Variants in PLCH2 observed in about 807,000 individuals in gnomAD.
The protein encoded by PLCH2 is phospholipase C eta 2.
PLCH2 carries 98 observed loss-of-function variants against 134.7 expected under a neutral mutation model. The ratio of observed to expected loss-of-function variants is 0.73; its 90% CI spans 0.62 to 0.86. The LOEUF is 0.86. Ranked by LOEUF, PLCH2 falls within the 40% of genes least tolerant of loss-of-function variation. PLCH2 has a pLI of 0.00. For missense variants in PLCH2, 1,994 were observed against 1,986.6 expected (o/e 1.00, Z -0.07); for synonymous variants, 974 against 827.5 (o/e 1.18, Z -3.04).
chr1:2,471,805 G>A (rs1325618455), upstream of PLCH2, among the ~76,000 whole-genome samples: 1 of 152,148 alleles, frequency 6.6e-6, no homozygotes, highest in Non-Finnish European at 1.5e-5. Flanking sequence ...CCACCCAAGG[G>A]GGCAGAACAA....
intron 11 of PLCH2, among the ~76,000 whole-genome samples, chr1:2,494,142 C>T (rs1024900502): frequency 2.0e-5 from 3 of 152,144 alleles, no homozygotes; most frequent in East Asian, 3.9e-4. Context: ...CTGAGCACAG[C>T]TGGGCCATGT....
In PLCH2 at chr1:2,489,206, G is replaced by C; in HGVS notation, c.1236-1G>C. ...CTGCTCTTTCTGCCTTGGGGCCACA[G>C]GTACCCAGTGATCCTGTCCATCGAA... is the stretch of plus-strand genomic sequence containing the variant. On this transcript the variant is annotated splice_acceptor_variant, in intron 8 of 21. Coordinates refer to ENST00000378486, the MANE Select transcript of PLCH2 (RefSeq NM_014638.4). LOFTEE classifies it high-confidence loss of function. 6.2e-7 allele frequency: 1 copy of C among 1,613,458 alleles called. No homozygotes were observed. The highest frequency in any genetic ancestry group is 8.5e-7 in the Non-Finnish European group (1 of 1,179,636).
chr1:2,478,597 C>T lies in PLCH2; in HGVS notation c.246C>T (p.Pro82=), dbSNP rs1641775014. 2 of 1,611,424 alleles carry T rather than the reference C, an allele frequency of 1.2e-6. No individual in the cohort carries two copies. Among genetic ancestry groups the T allele is most frequent in the Non-Finnish European group, 1.7e-6 (2 of 1,179,354 alleles). The change falls in exon 2 of 22, where the codon CCC becomes CCT. Residue 82 remains proline (P), a synonymous_variant. Coordinates refer to ENST00000378486, the MANE Select transcript of PLCH2 (RefSeq NM_014638.4). ...DEHRSCIRWR[P]SRKNEKAKIS... is the part of the protein sequence containing the mutation. ...ACCGCTCCTGCATCCGCTGGAGGCC[C>T]TCACGCAAGAACGAGAAGGCCAAGA... is the stretch of plus-strand genomic sequence containing the variant.
intron 8 of PLCH2, among the ~76,000 whole-genome samples, chr1:2,487,958 C>T (rs556785158): frequency 3.9e-5 from 6 of 152,342 alleles, no homozygotes; most frequent in East Asian, 3.9e-4. Flanking sequence ...TGGCACCTCC[C>T]GGTGTCAGTG....
Position 2,498,218 on chromosome 1 carries a change from C to CGTATCATTA in PLCH2, c.2225-305_2225-304insGTATCATTA. ...GAGTGGGCCCTGGGGACACTGTCAC[C>CGTATCATTA]AGAGACCCCACCCCTCATACCCCCA... is the stretch of plus-strand genomic sequence containing the variant. On this transcript the variant is annotated intron_variant, in intron 16 of 21. Transcript: ENST00000378486. The surrounding 1 kb of genome is among the most constrained non-coding windows in gnomAD (Gnocchi z 5.4). 4.9e-6 allele frequency: 2 copies of CGTATCATTA among 407,834 alleles called. No individual in the cohort carries two copies. The highest frequency in any genetic ancestry group is 4.1e-5 in the Admixed American group (1 of 24,392). The allele number at this position is 407,834 out of a possible 1,614,324, so 25.3% of individuals were successfully genotyped here.
the PLCH2 span, among the ~76,000 whole-genome samples, chr1:2,419,981 C>G: frequency 8.5e-6 from 1 of 117,344 alleles, no homozygotes; most frequent in African/African-American, 3.1e-5. Context: ...CACCCCCAGG[C>G]AACCCCTTTG....
the PLCH2 span, among the ~76,000 whole-genome samples, chr1:2,416,218 C>T: frequency 2.6e-5 from 4 of 152,180 alleles, no homozygotes; most frequent in Admixed American, 6.5e-5. Flanking sequence ...AGGAGCTGGA[C>T]GCAGCAGGTC....
rs1178419057 is a variant in PLCH2, at chr1:2,478,480, G to A, written c.129G>A (p.Glu43=). The change falls in exon 2 of 22, where the codon GAG becomes GAA. Residue 43 remains glutamate (E), a synonymous_variant. Coordinates refer to ENST00000378486, the MANE Select transcript of PLCH2 (RefSeq NM_014638.4). ...CCGTGTCTCTCCCGTGTCCAGTGGA[G>A]CGGTGCATGGGTGCCATGCAAGAGG... The part of the protein sequence containing the change: ...SSEWQLGPLV[E]RCMGAMQEGM... 6.2e-7 allele frequency: 1 copy of A among 1,612,674 alleles called. No individual in the cohort carries two copies. Among genetic ancestry groups the A allele is most frequent in the South Asian group, 1.1e-5 (1 of 91,088 alleles).
At chr1:2,502,440 G>C in intron 21 of PLCH2, 31 bp downstream of exon 21, 1 of 1,542,676 alleles carries the variant, frequency 6.5e-7, no homozygotes, top group Non-Finnish European at 8.7e-7. Flanking sequence ...GCAGAGAAGA[G>C]CCCTGTGCGA....
intron 4 of PLCH2, among the ~76,000 whole-genome samples, chr1:2,483,836 GT>G (rs367622398): frequency 0.06 from 1,556 of 25,728 alleles, 236 homozygotes; most frequent in East Asian, 0.41. Flanking sequence ...CCGTGTGGGG[GT>G]GGCGCTGACC....
chr1:2,491,060 C>A lies in PLCH2; in HGVS notation c.1516-132C>A, dbSNP rs1418275966. 1.4e-5 allele frequency: 12 copies of A among 838,542 alleles called. No individual in the cohort carries two copies. The East Asian group carries it at 1.6e-4, about 11-fold the overall frequency. The allele number at this position is 838,542 out of a possible 1,614,324, so 51.9% of individuals were successfully genotyped here. A position where few individuals can be genotyped will look rare whatever the true frequency, so the allele number is the denominator to read the frequency against. Reference sequence around the variant, plus strand: ...TTCCCGTCCTGCCTGTGGCTGCCTGCAGGCCCTGAGGTGAATCACACGCCT... The same window carrying A: ...TTCCCGTCCTGCCTGTGGCTGCCTGAAGGCCCTGAGGTGAATCACACGCCT... On this transcript the variant is annotated intron_variant, in intron 10 of 21. Transcript: ENST00000378486.
intron 2 of PLCH2, among the ~76,000 whole-genome samples, chr1:2,458,878 G>C (rs1302885203): frequency 1.3e-5 from 2 of 152,250 alleles, no homozygotes; most frequent in Admixed American, 6.5e-5. Context: ...GACTACATCT[G>C]GGGATGTCCC....
intron 5 of PLCH2, among the ~76,000 whole-genome samples, chr1:2,486,055 C>T (rs769545129): frequency 6.6e-5 from 10 of 152,188 alleles, no homozygotes; most frequent in Non-Finnish European, 1.3e-4. Context: ...GCCCTGTGCC[C>T]TGGCCACCAG....
At chr1:2,432,627 C>T (rs1484144527) in intron 2 of PLCH2, among the ~76,000 whole-genome samples, 4 of 152,158 alleles carry the variant, frequency 2.6e-5, no homozygotes, top group Non-Finnish European at 5.9e-5. Flanking sequence ...GCCCGGGGGC[C>T]CCTGCTGGGC....
chr1:2,465,768 G>A (rs1641030791), upstream of PLCH2, among the ~76,000 whole-genome samples: 1 of 152,204 alleles, frequency 6.6e-6, no homozygotes, highest in African/African-American at 2.4e-5. Context: ...TGAGTGGCGG[G>A]CGGGGCTGGC....
Position 2,504,429 on chromosome 1 carries a change from T to C in PLCH2, c.3467T>C (p.Ile1156Thr), listed in dbSNP as rs970749384. The C allele has an allele frequency of 2.5e-6, 4 of 1,612,096 alleles. No homozygotes were observed. The African/African-American group carries it at 4.0e-5, about 16-fold the overall frequency. ...AGCATGTCATCCAGCGACACTGTCA[T>C]TGACCTCTCCCTGCCCAGCCTGGGC... ...SSSMSSSDTV[I>T]DLSLPSLGLG... Residue 1156 changes from isoleucine (I) to threonine (T), a missense_variant, in exon 22 of 22, where the codon ATT (isoleucine) becomes ACT (threonine). Transcript: ENST00000378486.
intron 5 of PLCH2, among the ~76,000 whole-genome samples, chr1:2,486,661 G>T (rs1372031615): frequency 6.6e-6 from 1 of 152,266 alleles, no homozygotes; most frequent in Non-Finnish European, 1.5e-5. Context: ...TCGCACTGGT[G>T]TGGGGTGGTC....
In PLCH2 at chr1:2,502,154, C is replaced by T. The variant is rs1269324313; in HGVS notation, c.2704C>T (p.Pro902Ser). 1 of 1,492,230 alleles carries T rather than the reference C, an allele frequency of 6.7e-7. No homozygotes were observed. Among genetic ancestry groups the T allele is most frequent in the Non-Finnish European group, 8.9e-7 (1 of 1,125,718 alleles). 92.4% of individuals were successfully genotyped at this position (1,492,230 alleles called of 1,614,324 possible). A position where few individuals can be genotyped will look rare whatever the true frequency, so the allele number is the denominator to read the frequency against. The part of the protein sequence containing the change: ...LGLKGLFLRG[P>S]KPGSLDSHAA... Reference sequence around the variant, plus strand: ...CCTAAAAGGCCTCTTCCTCCGAGGCCCAAAGCCCGGCTCGCTGGACAGTCA... The same window carrying T: ...CCTAAAAGGCCTCTTCCTCCGAGGCTCAAAGCCCGGCTCGCTGGACAGTCA... Residue 902 changes from proline (P) to serine (S), a missense_variant, in exon 21 of 22, where the codon CCA (proline) becomes TCA (serine). Physicochemically the swap from Pro to Ser is moderately conservative, Grantham distance 74. This residue lies in a region of PLCH2 where 900 missense variants were observed against 752.3 expected (regional missense o/e 1.20). Transcript: ENST00000378486.
chr1:2,469,255 C>T (rs1641212779), intron 1 of PLCH2, among the ~76,000 whole-genome samples: 1 of 152,190 alleles, frequency 6.6e-6, no homozygotes, highest in Non-Finnish European at 1.5e-5. Flanking sequence ...GGCCCCAAAG[C>T]CCCAGGTTCC....
Sources: allele counts gnomAD v4.1 joint callset (sites outside exome capture counted in the v4.1 genomes callset), GRCh38; gene constraint gnomAD v4.1.1; regional missense constraint gnomAD v4.1.1; non-coding constraint Gnocchi (gnomAD v3.1); transcripts MANE v1.5; gene names NCBI Gene and HGNC (gene_info 2026-07-23, HGNC 2026-07-21).